The following ADAMTS9 variants were observed in gnomAD, a reference collection of about 807,000 sequenced individuals.
ADAMTS9 encodes ADAM metallopeptidase with thrombospondin type 1 motif 9, also known as A disintegrin and metalloproteinase with thrombospondin motifs 9.
In ADAMTS9, 107 loss-of-function variants were observed where a neutral mutation model predicts 257.1. That is an observed-to-expected ratio of 0.42 (90% CI 0.36 to 0.49). The LOEUF (loss-of-function observed/expected upper bound fraction) is 0.49. ADAMTS9 is among the 20% of genes least tolerant of loss of function. The probability of loss-of-function intolerance (pLI) is 0.03; values close to 1 mark genes in which losing one functional copy is unlikely to be tolerated. For synonymous variants in ADAMTS9, 982 were observed against 880.9 expected (o/e 1.11, Z -2.03); for missense variants, 2,353 against 2,469.1 (o/e 0.95, Z 1.00).
chr3:64,687,754 C>G lies in ADAMTS9; in HGVS notation c.-97G>C. 4.2e-6 allele frequency: 4 copies of G among 945,956 alleles called. No homozygotes were observed. The highest frequency in any genetic ancestry group is 5.9e-6 in the Non-Finnish European group (4 of 675,922). The allele number at this position is 945,956 out of a possible 1,614,324, so 58.6% of individuals were successfully genotyped here. ...CGAGGCAGCGGCCGTGGAGAGCGCG[C>G]GGAGCCCGGCGCCCGCCGCCAACTT... On this transcript the variant is annotated 5_prime_UTR_variant, in exon 1 of 40. Transcript: ENST00000498707. This position sits in a 1 kb window ranked among gnomAD's most constrained non-coding sequence, Gnocchi z 4.4.
chr3:64,598,230 A>G (rs2084398835), intron 26 of ADAMTS9, among the ~76,000 whole-genome samples: 5 of 151,916 alleles, frequency 3.3e-5, no homozygotes, highest in Admixed American at 2.6e-4. Flanking sequence ...TTGAGAAAAT[A>G]TTTAGGTATT....
intron 29 of ADAMTS9, among the ~76,000 whole-genome samples, chr3:64,562,712 C>T (rs142803813): frequency 1.3e-5 from 2 of 152,322 alleles, no homozygotes; most frequent in Admixed American, 6.5e-5. Flanking sequence ...GCTTAACATA[C>T]ATTAAAGCCA....
At chr3:64,654,266 C>G in intron 8 of ADAMTS9, 87 bp downstream of exon 8, 1 of 1,340,828 alleles carries the variant, frequency 7.5e-7, no homozygotes, top group Non-Finnish European at 1.0e-6. Flanking sequence ...CTTACACACT[C>G]GAAAGTCAAG....
At chr3:64,610,637 G>A (rs1001700628) in intron 22 of ADAMTS9, among the ~76,000 whole-genome samples, 75 of 152,158 alleles carry the variant, frequency 4.9e-4, no homozygotes, top group African/African-American at 1.7e-3. Context: ...CAAAACCATA[G>A]TAAGATAAAT....
intron 30 of ADAMTS9, 78 bp from the exon 31 acceptor site, chr3:64,551,140 T>C: frequency 6.8e-7 from 1 of 1,481,244 alleles, no homozygotes; most frequent in South Asian, 1.2e-5. Flanking sequence ...TTTACCTGTC[T>C]ACATAGCCTT....
chr3:64,595,473 G>T (rs2084348437), intron 27 of ADAMTS9, among the ~76,000 whole-genome samples: 2 of 152,184 alleles, frequency 1.3e-5, no homozygotes. Flanking sequence ...TCTGGTCTGT[G>T]CTGACAGCAA....
intron 12 of ADAMTS9, among the ~76,000 whole-genome samples, chr3:64,636,269 TA>T (rs1010477084): frequency 6.6e-6 from 1 of 152,124 alleles, no homozygotes; most frequent in Non-Finnish European, 1.5e-5. Context: ...TTTATTTTTA[TA>T]AAAAACATTT....
In ADAMTS9 at chr3:64,516,892, CAT is replaced by C. The variant is rs1386792607; in HGVS notation, c.*233_*234del. The C allele has an allele frequency of 2.6e-5, 4 of 152,522 alleles. No homozygotes were observed. The highest frequency in any genetic ancestry group is 5.9e-5 in the Non-Finnish European group (4 of 68,030). The allele number at this position is 152,522 out of a possible 1,614,324, so 9.4% of individuals were successfully genotyped here. ...TTACATCACAATAAATAATTTCAAA[CAT>C]AAATATTAAACTTTACATCATTAGG... On this transcript the variant is annotated 3_prime_UTR_variant, in exon 40 of 40. Transcript: ENST00000498707.
intron 11 of ADAMTS9, 76 bp from the exon 12 acceptor site, chr3:64,642,069 C>T (rs974633985): frequency 2.0e-6 from 3 of 1,507,814 alleles, no homozygotes; most frequent in African/African-American, 1.4e-5. Flanking sequence ...CTTTTAAACA[C>T]ACCATACTGT....
chr3:64,568,768 C>G, intron 28 of ADAMTS9: 4 of 451,572 alleles, frequency 8.9e-6, no homozygotes, highest in Non-Finnish European at 1.5e-5. Flanking sequence ...TTGGCTCACT[C>G]AAGAGTGTGG....
intron 8 of ADAMTS9, 58 bp from the exon 9 acceptor site, chr3:64,651,221 C>T (rs1700924186): frequency 6.9e-7 from 1 of 1,448,330 alleles, no homozygotes; most frequent in African/African-American, 1.5e-5. Context: ...TCATGCTGTT[C>T]TAATTGCTTC....
chr3:64,546,898 T>A lies in ADAMTS9; in HGVS notation c.4924A>T (p.Ile1642Phe). ...YKQRLVSCSE[I>F]YTGKENYEYS... ...TCATAATTCTCCTTCCCGGTGTAAA[T>A]CTCGCTGCACGAGACAAGCCTTTGT... Residue 1642 changes from isoleucine (I) to phenylalanine (F), a missense_variant, in exon 32 of 40, where the codon ATT becomes TTT. By Grantham distance (21) the Ile-to-Phe change is conservative. Around this residue, in one of 3 missense-constraint regions of ADAMTS9, gnomAD observed 1,402 missense variants for 1,441.4 expected, o/e 0.97. Transcript: ENST00000498707. 6.2e-7 allele frequency: 1 copy of A among 1,614,010 alleles called. No homozygotes were observed. Among genetic ancestry groups the A allele is most frequent in the South Asian group, 1.1e-5 (1 of 91,060 alleles).
intron 19 of ADAMTS9, among the ~76,000 whole-genome samples, chr3:64,618,454 G>A (rs1700021245): frequency 6.6e-6 from 1 of 152,148 alleles, no homozygotes; most frequent in African/African-American, 2.4e-5. Flanking sequence ...AAGAACTGAA[G>A]CCCTAATTAC....
chr3:64,616,109 C>T lies in ADAMTS9; in HGVS notation c.2875G>A (p.Asp959Asn). Residue 959 changes from aspartate to asparagine, a missense_variant, in exon 20 of 40, where the codon GAC (aspartate) becomes AAC (asparagine). Around this residue, in one of 3 missense-constraint regions of ADAMTS9, gnomAD observed 1,402 missense variants for 1,441.4 expected, o/e 0.97. Transcript: ENST00000498707. ...CTGCTATATTTGGCACAGTAGATGTCCAATGTGCGGTAACCCAAGCCACAC... is the reference window on the plus strand; with the variant it reads ...CTGCTATATTTGGCACAGTAGATGTTCAATGTGCGGTAACCCAAGCCACAC... ...AQCGLGYRTL[D>N]IYCAKYSRLD... is the part of the protein sequence containing the mutation. The T allele has an allele frequency of 1.2e-6, 2 of 1,614,154 alleles. No individual in the cohort carries two copies. The highest frequency in any genetic ancestry group is 1.7e-6 in the Non-Finnish European group (2 of 1,179,998).
chr3:64,524,078 C>G (rs1311812944), intron 38 of ADAMTS9, among the ~76,000 whole-genome samples: 1 of 152,170 alleles, frequency 6.6e-6, no homozygotes, highest in Non-Finnish European at 1.5e-5. Flanking sequence ...TTGTTTTATA[C>G]ACTTCCCATG....
At chr3:64,639,314 A>ATTTTTTTTT (rs1559805129) in intron 12 of ADAMTS9, among the ~76,000 whole-genome samples, 8 of 79,810 alleles carry the variant, frequency 1.0e-4, no homozygotes, top group Middle Eastern at 0.011. Flanking sequence ...TTTTTTTTTA[A>ATTTTTTTTT]AAAAAAAAAA....
At chr3:64,618,088 G>A (rs1312392676) in intron 19 of ADAMTS9, among the ~76,000 whole-genome samples, 2 of 152,224 alleles carry the variant, frequency 1.3e-5, no homozygotes, top group East Asian at 1.9e-4. Context: ...AGTAAGCTAC[G>A]CATTTAAAAG....
intron 28 of ADAMTS9, among the ~76,000 whole-genome samples, chr3:64,591,388 C>T (rs1486824790): frequency 6.6e-6 from 1 of 151,554 alleles, no homozygotes; most frequent in Non-Finnish European, 1.5e-5. Context: ...TGCAGTGAGC[C>T]GAGATCGCAC....
At position 64,522,253 on chromosome 3, in the gene ADAMTS9, G is replaced by C; in HGVS notation, c.5726C>G (p.Thr1909Ser). Residue 1909 changes from threonine to serine, a missense_variant, in exon 39 of 40, where the codon ACC (threonine) becomes AGC (serine). Physicochemically the swap from Thr to Ser is moderately conservative, Grantham distance 58. Coordinates refer to ENST00000498707, the MANE Select transcript of ADAMTS9 (RefSeq NM_182920.2). ...ACCACCGCATTTCCCTACGACTCGG[G>C]TACCATCCTGCAAGGAGATGCATCA... ...VSDIKKSPDG[T>S]RVVGKCGGYC... is the part of the protein sequence containing the mutation. 6.2e-7 allele frequency: 1 copy of C among 1,613,930 alleles called. No individual in the cohort carries two copies. The highest frequency in any genetic ancestry group is 8.5e-7 in the Non-Finnish European group (1 of 1,179,870).
Sources: allele counts gnomAD v4.1 joint callset (sites outside exome capture counted in the v4.1 genomes callset), GRCh38; gene constraint gnomAD v4.1.1; regional missense constraint gnomAD v4.1.1; non-coding constraint Gnocchi (gnomAD v3.1); transcripts MANE v1.5; gene names NCBI Gene and HGNC (gene_info 2026-07-23, HGNC 2026-07-21).